The following FAM81A variants were observed in gnomAD, a reference collection of about 807,000 sequenced individuals.
FAM81A encodes protein FAM81A.
Under a neutral mutation model 46.7 loss-of-function variants are expected in FAM81A, and 19 were observed. The observed-to-expected ratio is 0.41, with a 90% confidence interval of 0.28 to 0.60. The LOEUF is 0.60. Ranked by LOEUF, FAM81A falls within the 20% of genes least tolerant of loss-of-function variation. FAM81A has a pLI of 0.34. For missense variants in FAM81A, 377 were observed against 453.5 expected (o/e 0.83, Z 1.53); for synonymous variants, 183 against 152.9 (o/e 1.20, Z -1.45).
intron 1 of FAM81A, among the ~76,000 whole-genome samples, chr15:59,400,776 G>A (rs2081066854): frequency 6.6e-6 from 1 of 152,130 alleles, no homozygotes; most frequent in Admixed American, 6.5e-5. Flanking sequence ...TTGCTTTCAT[G>A]GGGGAAGTCT....
At chr15:59,406,190 C>T (rs1198580350) in intron 2 of FAM81A, among the ~76,000 whole-genome samples, 1 of 152,160 alleles carries the variant, frequency 6.6e-6, no homozygotes, top group Non-Finnish European at 1.5e-5. Context: ...GACCTCCCCT[C>T]CCCAAGCCAA....
At chr15:59,512,471 C>CA (rs766904849) in intron 6 of FAM81A, among the ~76,000 whole-genome samples, 1,572 of 13,560 alleles carry the variant, frequency 0.12, 262 homozygotes, top group Non-Finnish European at 0.19. Flanking sequence ...AACTCCATCT[C>CA]AAAAAAAAAA....
intron 1 of FAM81A, among the ~76,000 whole-genome samples, chr15:59,450,103 C>CTTT (rs56862038): frequency 0.71 from 89,777 of 126,030 alleles, 32,355 homozygotes; most frequent in East Asian, 0.82. Flanking sequence ...TTCTTTCTTT[C>CTTT]TTTTTTTTTT....
In FAM81A at chr15:59,516,703, A is replaced by G; in HGVS notation, c.845A>G (p.Lys282Arg). Residue 282 changes from lysine to arginine, a missense_variant, in exon 8 of 9, where the codon AAA (lysine) becomes AGA (arginine). Coordinates refer to ENST00000288228, the MANE Select transcript of FAM81A (RefSeq NM_152450.3). Reference protein sequence around the residue: ...KLSQMSARLDKIEEGQKKTFD... With the variant: ...KLSQMSARLDRIEEGQKKTFD... ...AGCCAGATGTCAGCCAGGCTTGACA[A>G]AATAGAAGAGGGTCAAAAGAAGACT... The G allele has an allele frequency of 6.2e-7, 1 of 1,613,766 alleles. No individual in the cohort carries two copies. The highest frequency in any genetic ancestry group is 8.5e-7 in the Non-Finnish European group (1 of 1,179,790).
At chr15:59,515,390 T>C (rs2082256174) in intron 7 of FAM81A, among the ~76,000 whole-genome samples, 1 of 152,244 alleles carries the variant, frequency 6.6e-6, no homozygotes, top group Non-Finnish European at 1.5e-5. Flanking sequence ...TTTCCTCTTG[T>C]TGGATATTGA....
At chr15:59,398,557 G>A (rs2081056557) in intron 1 of FAM81A, among the ~76,000 whole-genome samples, 1 of 151,640 alleles carries the variant, frequency 6.6e-6, no homozygotes, top group Admixed American at 6.6e-5. Context: ...CTACAAGTTC[G>A]AGACTAGCCT....
intron 2 of FAM81A, among the ~76,000 whole-genome samples, chr15:59,409,329 A>C (rs2081110394): frequency 6.6e-6 from 1 of 152,158 alleles, no homozygotes; most frequent in Non-Finnish European, 1.5e-5. Context: ...CCCAAACCAG[A>C]GAATTGGTCT....
intron 2 of FAM81A, among the ~76,000 whole-genome samples, chr15:59,429,164 T>G (rs867596397): frequency 5.9e-5 from 9 of 152,248 alleles, no homozygotes; most frequent in Non-Finnish European, 1.2e-4. Flanking sequence ...TTGGGAAAAC[T>G]GATGTTATTC....
chr15:59,466,091 C>A (rs1179278150), intron 3 of FAM81A, among the ~76,000 whole-genome samples: 1 of 152,162 alleles, frequency 6.6e-6, no homozygotes, highest in Admixed American at 6.5e-5. Flanking sequence ...GCCACATTTT[C>A]TTAATCCAGT....
intron 1 of FAM81A, among the ~76,000 whole-genome samples, chr15:59,452,320 A>G (rs2081428887): frequency 6.6e-6 from 1 of 152,184 alleles, no homozygotes; most frequent in Non-Finnish European, 1.5e-5. Context: ...ATTATGGGAG[A>G]TCCATTCAGT....
At chr15:59,411,928 C>G (rs2081122373) in intron 2 of FAM81A, among the ~76,000 whole-genome samples, 1 of 151,354 alleles carries the variant, frequency 6.6e-6, no homozygotes, top group Admixed American at 6.6e-5. Flanking sequence ...CTTTATTTGT[C>G]TTAGGTGAGT....
At chr15:59,421,711 C>G (rs62015020) in intron 2 of FAM81A, among the ~76,000 whole-genome samples, 1 of 98,724 alleles carries the variant, frequency 1.0e-5, no homozygotes, top group Non-Finnish European at 2.5e-5. Flanking sequence ...CTTAAACTAT[C>G]TATCTGTCTG....
intron 3 of FAM81A, among the ~76,000 whole-genome samples, chr15:59,473,795 C>T (rs4774334): frequency 0.8 from 121,941 of 151,936 alleles, 49,429 homozygotes; most frequent in African/African-American, 0.92. Context: ...GGAATAATTT[C>T]CTATTTGGTA....
rs376888312 is a variant in FAM81A, at chr15:59,502,960, A to G, written c.414-4253A>G. Among the ~76,000 whole-genome samples, 15 of 152,204 alleles carry G rather than the reference A, an allele frequency of 9.9e-5. No homozygotes were observed. In the East Asian group the frequency reaches 2.7e-3, roughly 27 times the overall value. ...TCAGAAATGCAATTAAATATACAAA[A>G]TAAAAATGAAGCCTGGCCAGGAGTG... On this transcript the variant is annotated intron_variant, in intron 4 of 8. Coordinates refer to ENST00000288228, the MANE Select transcript of FAM81A (RefSeq NM_152450.3).
intron 6 of FAM81A, among the ~76,000 whole-genome samples, chr15:59,510,186 T>C (rs1191545962): frequency 6.6e-6 from 1 of 151,954 alleles, no homozygotes; most frequent in Non-Finnish European, 1.5e-5. Flanking sequence ...GCTAACATGG[T>C]GAAACCCTGT....
Position 59,472,846 on chromosome 15 carries a change from G to A in FAM81A, c.294+12640G>A, listed in dbSNP as rs2081713759. On this transcript the variant is annotated intron_variant, in intron 3 of 8. Coordinates refer to ENST00000288228, the MANE Select transcript of FAM81A (RefSeq NM_152450.3). ...CAATGACCTCAGAGGAACGTAGAAA[G>A]TTTACAAAATTGCTGTAAATAATAT... Among the ~76,000 whole-genome samples the A allele has an allele frequency of 1.3e-5, 2 of 152,126 alleles. 1 individual carries two copies. The highest frequency in any genetic ancestry group is 4.1e-4 in the South Asian group (2 of 4,824).
chr15:59,444,578 C>T (rs2081335009), intron 1 of FAM81A, among the ~76,000 whole-genome samples: 1 of 152,168 alleles, frequency 6.6e-6, no homozygotes, highest in Non-Finnish European at 1.5e-5. Flanking sequence ...TCCCTTCCTC[C>T]CTGGGAGACC....
intron 2 of FAM81A, among the ~76,000 whole-genome samples, chr15:59,415,967 C>T (rs537002049): frequency 5.1e-4 from 78 of 152,142 alleles, no homozygotes; most frequent in Non-Finnish European, 1.1e-3. Context: ...GAGCACACAG[C>T]CAGGTACAAT....
chr15:59,503,233 C>CAAAA (rs769759845), intron 4 of FAM81A, among the ~76,000 whole-genome samples: 11 of 35,292 alleles, frequency 3.1e-4, no homozygotes, highest in South Asian at 2.1e-3. Flanking sequence ...GAGACTGTCT[C>CAAAA]AAAAAAAAAA....
Sources: gnomAD v4.1 joint callset for allele counts (sites outside exome capture counted in the v4.1 genomes callset) on GRCh38, gnomAD v4.1.1 for gene constraint, MANE v1.5 for transcripts, NCBI Gene and HGNC (gene_info 2026-07-23, HGNC 2026-07-21) for gene names.